Variants in ADGRV1 observed in about 807,000 individuals in gnomAD.
The protein encoded by ADGRV1 is G-protein coupled receptor 98.
Under a neutral mutation model 596.2 loss-of-function variants are expected in ADGRV1, and 359 were observed. The ratio of observed to expected loss-of-function variants is 0.60; its 90% CI spans 0.55 to 0.66. The LOEUF (loss-of-function observed/expected upper bound fraction) is 0.66, where lower values mean the gene tolerates loss of function less well. ADGRV1 is among the 30% of genes least tolerant of loss of function. The probability of loss-of-function intolerance (pLI) is 0.00; values close to 1 mark genes in which losing one functional copy is unlikely to be tolerated. For missense variants in ADGRV1, 7,274 were observed against 7,575.6 expected, an observed-to-expected ratio of 0.96 and a Z score of 1.48; for synonymous variants, 2,681 against 2,679.2, an observed-to-expected ratio of 1.00 and a Z score of -0.02.
At chr5:91,150,297 G>A (rs1341059813) in intron 88 of ADGRV1, 76 bp downstream of exon 88, 5 of 1,159,840 alleles carry the variant, frequency 4.3e-6, no homozygotes, top group African/African-American at 3.1e-5. Context: ...CTCTCTCTCT[G>A]TGTCTGTCTG....
intron 58 of ADGRV1, 149 bp downstream of exon 58, chr5:90,759,737 G>C (rs761184911): frequency 2.9e-6 from 2 of 679,670 alleles, no homozygotes; most frequent in African/African-American, 1.8e-5. Flanking sequence ...AGGCCGCAGC[G>C]GGCAGATCAC....
chr5:90,916,860 C>T (rs1406259945), intron 83 of ADGRV1, among the ~76,000 whole-genome samples: 1 of 151,892 alleles, frequency 6.6e-6, no homozygotes, highest in Non-Finnish European at 1.5e-5. Context: ...TCTCGATCTC[C>T]TGACCTCGTG....
intron 87 of ADGRV1, among the ~76,000 whole-genome samples, chr5:91,108,277 G>A (rs762139205): frequency 5.3e-5 from 8 of 152,136 alleles, no homozygotes; most frequent in Admixed American, 3.3e-4. Context: ...GATTTTTTAA[G>A]TATGTTCCAT....
intron 60 of ADGRV1, among the ~76,000 whole-genome samples, chr5:90,774,541 A>G (rs1758021976): frequency 6.6e-6 from 1 of 152,254 alleles, no homozygotes; most frequent in Middle Eastern, 3.4e-3. Context: ...ATTTTTTTCT[A>G]ATGAAGATGT....
intron 82 of ADGRV1, 53 bp from the exon 83 acceptor site, chr5:90,863,704 G>A (rs1284672789): frequency 3.8e-6 from 5 of 1,329,136 alleles, no homozygotes; most frequent in Admixed American, 1.7e-5. Flanking sequence ...CTATGATGCT[G>A]TTAGAATCTT....
At chr5:90,765,768 G>A (rs745705162) in intron 59 of ADGRV1, among the ~76,000 whole-genome samples, 1 of 151,598 alleles carries the variant, frequency 6.6e-6, no homozygotes, top group Admixed American at 6.6e-5. Context: ...GCAGTGATGC[G>A]ATCATAGCTC....
intron 87 of ADGRV1, among the ~76,000 whole-genome samples, chr5:91,104,295 T>A (rs1299107487): frequency 1.3e-5 from 2 of 152,196 alleles, no homozygotes; most frequent in South Asian, 2.1e-4. Flanking sequence ...GATAAACACT[T>A]TTCATTTTAT....
chr5:90,896,917 T>C (rs1771381738), intron 83 of ADGRV1, among the ~76,000 whole-genome samples: 2 of 152,208 alleles, frequency 1.3e-5, no homozygotes, highest in East Asian at 1.9e-4. Context: ...ATTCCCCTTA[T>C]GGCAGGTTCT....
chr5:90,746,284 T>C (rs1308468250), intron 52 of ADGRV1, among the ~76,000 whole-genome samples: 2 of 151,578 alleles, frequency 1.3e-5, no homozygotes, highest in Non-Finnish European at 2.9e-5. Context: ...ATTATATGTA[T>C]GTTGGACATG....
At chr5:91,092,474 A>G (rs547316358) in intron 86 of ADGRV1, 3 of 152,338 alleles carry the variant, frequency 2.0e-5, no homozygotes, top group Admixed American at 6.5e-5. Flanking sequence ...TCAGGTCTGC[A>G]TGCTGAAAAC....
intron 85 of ADGRV1, among the ~76,000 whole-genome samples, chr5:91,022,304 G>C (rs1783705419): frequency 6.6e-6 from 1 of 151,994 alleles, no homozygotes; most frequent in Admixed American, 6.6e-5. Flanking sequence ...AGTAAACCTA[G>C]TATTTGTGCT....
intron 85 of ADGRV1, among the ~76,000 whole-genome samples, chr5:91,008,998 G>A (rs1782512521): frequency 6.6e-6 from 1 of 152,148 alleles, no homozygotes; most frequent in East Asian, 1.9e-4. Flanking sequence ...AGTGGAGGAG[G>A]AACACTAATT....
At chr5:90,585,538 C>T (rs1758643681) in intron 1 of ADGRV1, among the ~76,000 whole-genome samples, 1 of 152,138 alleles carries the variant, frequency 6.6e-6, no homozygotes, top group South Asian at 2.1e-4. Flanking sequence ...GGAAGTGAGC[C>T]CCAGGGCTGG....
Position 90,807,457 on chromosome 5 carries a change from C to T in ADGRV1, c.14837-145C>T, listed in dbSNP as rs1327555437. ...GGTCTCCTGTAAGTTTACCTCTCCCCCGACCCCTTTTTAAAAATGTTTTAC... is the reference window on the plus strand; with the variant it reads ...GGTCTCCTGTAAGTTTACCTCTCCCTCGACCCCTTTTTAAAAATGTTTTAC... On this transcript the variant is annotated intron_variant, in intron 72 of 89. Transcript: ENST00000405460. 8.2e-6 allele frequency: 6 copies of T among 729,784 alleles called. No individual in the cohort carries two copies. The African/African-American group carries it at 1.1e-4, about 13-fold the overall frequency. The allele number at this position is 729,784 out of a possible 1,614,324, so 45.2% of individuals were successfully genotyped here. A position where few individuals can be genotyped will look rare whatever the true frequency, so the allele number is the denominator to read the frequency against.
chr5:90,761,586 C>T (rs1470948870), intron 58 of ADGRV1, among the ~76,000 whole-genome samples: 1 of 152,154 alleles, frequency 6.6e-6, no homozygotes, highest in African/African-American at 2.4e-5. Context: ...CACTAGTATT[C>T]ATAAATAATT....
At chr5:90,705,102 C>T (rs1479407897) in intron 36 of ADGRV1, among the ~76,000 whole-genome samples, 1 of 152,160 alleles carries the variant, frequency 6.6e-6, no homozygotes, top group Admixed American at 6.5e-5. Flanking sequence ...GCCACCACAC[C>T]CGGCCCAAAT....
At chr5:91,052,365 G>A (rs1344943941) in intron 85 of ADGRV1, among the ~76,000 whole-genome samples, 1 of 150,022 alleles carries the variant, frequency 6.7e-6, no homozygotes, top group Non-Finnish European at 1.5e-5. Context: ...TTTACTGAAT[G>A]GATTGTAGTG....
At chr5:91,146,907 A>G (rs1433251251) in intron 87 of ADGRV1, among the ~76,000 whole-genome samples, 2 of 152,174 alleles carry the variant, frequency 1.3e-5, no homozygotes, top group Non-Finnish European at 1.5e-5. Flanking sequence ...TGCACCTGTA[A>G]TCCCAGCCCT....
chr5:90,832,546 G>A (rs1477046620), intron 77 of ADGRV1, among the ~76,000 whole-genome samples: 2 of 152,176 alleles, frequency 1.3e-5, no homozygotes, highest in East Asian at 3.9e-4. Context: ...CTCCCATTCT[G>A]TGGGCTGTCT....
Sources: gnomAD v4.1 joint callset for allele counts (sites outside exome capture counted in the v4.1 genomes callset) on GRCh38, gnomAD v4.1.1 for gene constraint, MANE v1.5 for transcripts, NCBI Gene and HGNC (gene_info 2026-07-23, HGNC 2026-07-21) for gene names.